P3H2: variants seen among roughly 807,000 people sequenced by gnomAD.
P3H2 encodes leprecan-like 1.
A neutral mutation model predicts 87.0 loss-of-function variants in P3H2; 80 were observed. That is an observed-to-expected ratio of 0.92 (90% CI 0.77 to 1.11). The LOEUF is 1.11. Among genes scored for constraint, P3H2 ranks in the 50% least tolerant of loss-of-function variants. The probability of loss-of-function intolerance (pLI) is 0.00; values close to 1 mark genes in which losing one functional copy is unlikely to be tolerated. For missense variants in P3H2, 1,001 were observed against 923.9 expected (o/e 1.08, Z -1.08); for synonymous variants, 367 against 359.3 (o/e 1.02, Z -0.24).
intron 10 of P3H2, among the ~76,000 whole-genome samples, chr3:189,973,602 C>T (rs866778): frequency 6.8e-6 from 1 of 147,830 alleles, no homozygotes; most frequent in African/African-American, 2.5e-5. Flanking sequence ...CGGCTCACCG[C>T]AACCTCTGCC....
At chr3:190,024,809 C>T (rs549122489) in intron 1 of P3H2, among the ~76,000 whole-genome samples, 2 of 152,148 alleles carry the variant, frequency 1.3e-5, no homozygotes, top group Admixed American at 1.3e-4. Flanking sequence ...TGAGAGAAAA[C>T]ACACAGAATT....
chr3:190,057,932 C>T (rs1188510070), intron 1 of P3H2, among the ~76,000 whole-genome samples: 4 of 151,962 alleles, frequency 2.6e-5, no homozygotes, highest in African/African-American at 9.7e-5. Flanking sequence ...GCATAGCTGA[C>T]CTTCAACTTG....
intron 1 of P3H2, among the ~76,000 whole-genome samples, chr3:190,092,763 T>C (rs1413181478): frequency 6.6e-6 from 1 of 152,076 alleles, no homozygotes; most frequent in Non-Finnish European, 1.5e-5. Flanking sequence ...AATGAGACTT[T>C]TAAAAAGACA....
intron 12 of P3H2, among the ~76,000 whole-genome samples, 153 bp from the exon 13 acceptor site, chr3:189,971,044 GAGA>G (rs1460958153): frequency 6.6e-6 from 1 of 152,212 alleles, no homozygotes; most frequent in Non-Finnish European, 1.5e-5. Flanking sequence ...AACTCTTAAA[GAGA>G]AGATCAGATA....
At chr3:189,961,510 TC>T (rs1722809767) in intron 14 of P3H2, among the ~76,000 whole-genome samples, 1 of 152,134 alleles carries the variant, frequency 6.6e-6, no homozygotes, top group East Asian at 1.9e-4. Context: ...ATTTTTTTTT[TC>T]TGAGATTCAA....
intron 1 of P3H2, among the ~76,000 whole-genome samples, chr3:190,106,367 A>G (rs1711837674): frequency 6.6e-6 from 1 of 152,146 alleles, no homozygotes; most frequent in Non-Finnish European, 1.5e-5. Flanking sequence ...ACGTGAAGCC[A>G]GTTACTCAGA....
intron 8 of P3H2, among the ~76,000 whole-genome samples, chr3:189,975,207 T>C (rs1373916674): frequency 6.6e-6 from 1 of 152,180 alleles, no homozygotes; most frequent in Non-Finnish European, 1.5e-5. Context: ...TGACCCTAGG[T>C]TGTCTTGCTT....
At chr3:190,093,330 T>C (rs985868958) in intron 1 of P3H2, among the ~76,000 whole-genome samples, 7 of 152,152 alleles carry the variant, frequency 4.6e-5, no homozygotes, top group Non-Finnish European at 8.8e-5. Context: ...TCAATCCTTA[T>C]TGCAATGCAA....
At chr3:189,998,944 A>G (rs1724130256) in intron 1 of P3H2, among the ~76,000 whole-genome samples, 1 of 152,190 alleles carries the variant, frequency 6.6e-6, no homozygotes, top group South Asian at 2.1e-4. Context: ...TGGCACTCCT[A>G]TGAGAACCTA....
At chr3:190,092,153 ATCCC>A (rs1727427615) in intron 1 of P3H2, among the ~76,000 whole-genome samples, 1 of 151,604 alleles carries the variant, frequency 6.6e-6, no homozygotes, top group Non-Finnish European at 1.5e-5. Context: ...GAATGGCTTG[ATCCC>A]AGGAGGCAGA....
chr3:190,106,205 T>G (rs1038164049), intron 1 of P3H2, among the ~76,000 whole-genome samples: 2 of 152,124 alleles, frequency 1.3e-5, no homozygotes, highest in Non-Finnish European at 2.9e-5. Context: ...AATTGTGAAA[T>G]CAGAGAATGG....
Position 190,065,623 on chromosome 3 carries a change from A to G in P3H2, c.480+54629T>C, listed in dbSNP as rs533000021. Among the ~76,000 whole-genome samples the G allele has an allele frequency of 3.3e-5, 5 of 152,254 alleles. No individual in the cohort carries two copies. The South Asian group carries it at 1.0e-3, about 32-fold the overall frequency. The stretch of plus-strand genomic sequence containing the variant: ...CTCTAGTCAAAGTCTTAGTCAATAC[A>G]GGATTCAAAAAAATATTGTTTGGCC... On this transcript the variant is annotated intron_variant, in intron 1 of 14. Coordinates refer to ENST00000319332, the MANE Select transcript of P3H2 (RefSeq NM_018192.4).
chr3:190,075,840 T>C, intron 1 of P3H2, among the ~76,000 whole-genome samples: 1 of 152,228 alleles, frequency 6.6e-6, no homozygotes, highest in East Asian at 1.9e-4. Flanking sequence ...CATCTGTGTC[T>C]ACAGAGGACT....
intron 1 of P3H2, among the ~76,000 whole-genome samples, chr3:189,999,458 C>T (rs1354778430): frequency 6.6e-6 from 1 of 152,176 alleles, no homozygotes; most frequent in Non-Finnish European, 1.5e-5. Context: ...TATAAATACA[C>T]ACATCCAAAG....
intron 2 of P3H2, 52 bp downstream of exon 2, chr3:189,995,238 A>T (rs1560353836): frequency 1.3e-6 from 2 of 1,579,024 alleles, no homozygotes; most frequent in East Asian, 4.5e-5. Flanking sequence ...CTCAGATGAA[A>T]CTTAGGAGCA....
At chr3:190,045,227 T>C (rs1725763104) in intron 1 of P3H2, among the ~76,000 whole-genome samples, 1 of 152,172 alleles carries the variant, frequency 6.6e-6, no homozygotes, top group African/African-American at 2.4e-5. Flanking sequence ...GCCCAGATCA[T>C]CTAAGCCATT....
chr3:190,018,182 C>G (rs1724828608), intron 1 of P3H2, among the ~76,000 whole-genome samples: 2 of 152,154 alleles, frequency 1.3e-5, no homozygotes, highest in South Asian at 4.1e-4. Flanking sequence ...ACTTATTTCA[C>G]CCATCATTGT....
intron 1 of P3H2, among the ~76,000 whole-genome samples, chr3:190,111,892 T>C (rs1712082000): frequency 6.6e-6 from 1 of 152,214 alleles, no homozygotes; most frequent in African/African-American, 2.4e-5. Flanking sequence ...ATCCAGCCAC[T>C]TCTATTCACA....
intron 1 of P3H2, among the ~76,000 whole-genome samples, chr3:189,996,603 A>C (rs1488495160): frequency 6.6e-6 from 1 of 152,246 alleles, no homozygotes; most frequent in East Asian, 1.9e-4. Flanking sequence ...AGCTAGAAGA[A>C]AGCATTTTTA....
Sources: allele counts gnomAD v4.1 joint callset (sites outside exome capture counted in the v4.1 genomes callset), GRCh38; gene constraint gnomAD v4.1.1; transcripts MANE v1.5; gene names NCBI Gene and HGNC (gene_info 2026-07-23, HGNC 2026-07-21).